PCDHAC2: variants seen among roughly 807,000 people sequenced by gnomAD.
PCDHAC2 encodes protocadherin alpha subfamily C, 2, also known as protocadherin alpha-C2.
Under a neutral mutation model 63.3 loss-of-function variants are expected in PCDHAC2, and 24 were observed. That is an observed-to-expected ratio of 0.38 (90% CI 0.27 to 0.53). The LOEUF (loss-of-function observed/expected upper bound fraction) is 0.53, where lower values mean the gene tolerates loss of function less well. PCDHAC2 is among the 20% of genes least tolerant of loss of function. The probability of loss-of-function intolerance (pLI) is 0.81; values close to 1 mark genes in which losing one functional copy is unlikely to be tolerated. For synonymous variants in PCDHAC2, 569 were observed against 529.4 expected (o/e 1.07, Z -1.03); for missense variants, 1,181 against 1,275.2 (o/e 0.93, Z 1.12).
chr5:140,966,945 A>C lies in PCDHAC2; in HGVS notation c.179A>C (p.Asn60Thr). 1 of 1,603,804 alleles carries C rather than the reference A, an allele frequency of 6.2e-7. No individual in the cohort carries two copies. Among genetic ancestry groups the C allele is most frequent in the Non-Finnish European group, 8.5e-7 (1 of 1,178,538 alleles). The change falls in exon 1 of 4, where the codon AAC becomes ACC. Residue 60 changes from asparagine to threonine, a missense_variant. Asn to Thr is a moderately conservative substitution (Grantham distance 65). Coordinates refer to ENST00000289269, the MANE Select transcript of PCDHAC2 (RefSeq NM_018899.6). Reference sequence around the variant, plus strand: ...CAGGCACCCGGCGCGCTCGTGGGCAACGTGGCTCGCGCGCTGGGGCTTGAG... The same window carrying C: ...CAGGCACCCGGCGCGCTCGTGGGCACCGTGGCTCGCGCGCTGGGGCTTGAG... ...EEQAPGALVG[N>T]VARALGLELR...
chr5:140,977,325 G>A (rs1277032974), intron 1 of PCDHAC2, among the ~76,000 whole-genome samples: 1 of 152,210 alleles, frequency 6.6e-6, no homozygotes, highest in African/African-American at 2.4e-5. Context: ...TCCTGATGGC[G>A]AGGGGAGAGA....
Position 141,010,015 on chromosome 5 carries a change from C to T in PCDHAC2, c.*78C>T, listed in dbSNP as rs1588250671. On this transcript the variant is annotated 3_prime_UTR_variant, in exon 4 of 4. Transcript: ENST00000289269. ...CTCTCCCATGTAGCAATTCCCTGCTCCTTTTTCCTATCTACATGAGCCCTC... is the reference window on the plus strand; with the variant it reads ...CTCTCCCATGTAGCAATTCCCTGCTTCTTTTTCCTATCTACATGAGCCCTC... 7 of 1,572,182 alleles carry T rather than the reference C, an allele frequency of 4.5e-6. No individual in the cohort carries two copies. In the East Asian group the frequency reaches 1.3e-4, roughly 30 times the overall value.
At chr5:140,977,589 G>A (rs567353301) in intron 1 of PCDHAC2, among the ~76,000 whole-genome samples, 15 of 152,274 alleles carry the variant, frequency 9.9e-5, no homozygotes, top group Admixed American at 2.6e-4. Flanking sequence ...AGAGCAGTTA[G>A]CATGTGAGGA....
intron 1 of PCDHAC2, among the ~76,000 whole-genome samples, chr5:140,976,227 T>C (rs2096706900): frequency 6.6e-6 from 1 of 152,050 alleles, no homozygotes; most frequent in East Asian, 1.9e-4. Context: ...AGAAGAAAAA[T>C]ATATGTCATT....
chr5:140,976,507 C>T (rs868949957), intron 1 of PCDHAC2, among the ~76,000 whole-genome samples: 2 of 151,968 alleles, frequency 1.3e-5, no homozygotes, highest in African/African-American at 4.8e-5. Context: ...GCCAAGATCG[C>T]GCCACTGCAC....
At chr5:141,001,280 G>T (rs1308036863) in intron 3 of PCDHAC2, among the ~76,000 whole-genome samples, 2 of 152,162 alleles carry the variant, frequency 1.3e-5, no homozygotes, top group South Asian at 2.1e-4. Context: ...TTTTTTTACG[G>T]ATGAAAACTG....
rs782484391 is a variant in PCDHAC2, at chr5:140,968,744, G to A, written c.1978G>A (p.Val660Met). ...GAGTGGTAGCACTTTCAACCTGACC[G>A]TGGTGGTCCGAGATAATGGAGAGCC... ...DESGSTFNLT[V>M]VVRDNGEPSL... The change falls in exon 1 of 4, where the codon GTG (valine) becomes ATG (methionine). Residue 660 changes from valine to methionine, a missense_variant. Coordinates refer to ENST00000289269, the MANE Select transcript of PCDHAC2 (RefSeq NM_018899.6). 1.2e-5 allele frequency: 20 copies of A among 1,614,164 alleles called. No individual in the cohort carries two copies. The highest frequency in any genetic ancestry group is 2.2e-5 in the East Asian group (1 of 44,880).
At chr5:141,004,823 TTAGA>T (rs1175791432) in intron 3 of PCDHAC2, among the ~76,000 whole-genome samples, 26 of 152,314 alleles carry the variant, frequency 1.7e-4, no homozygotes, top group African/African-American at 5.8e-4. Context: ...TTTGATTAAC[TTAGA>T]TAGATCAAAG....
intron 3 of PCDHAC2, among the ~76,000 whole-genome samples, chr5:140,983,739 G>T (rs983923811): frequency 5.3e-5 from 8 of 152,194 alleles, no homozygotes; most frequent in African/African-American, 1.9e-4. Context: ...TGGCTGGCTT[G>T]CAATAATCCA....
intron 3 of PCDHAC2, among the ~76,000 whole-genome samples, chr5:141,004,751 T>C (rs1323540564): frequency 2.0e-5 from 3 of 152,182 alleles, no homozygotes; most frequent in African/African-American, 7.2e-5. Flanking sequence ...TCTCAGTCTC[T>C]TAGAGACAGG....
At position 140,990,592 on chromosome 5, in the gene PCDHAC2, C is replaced by T. The variant is rs150978794; in HGVS notation, c.2713+8029C>T. On this transcript the variant is annotated intron_variant, in intron 3 of 3. Coordinates refer to ENST00000289269, the MANE Select transcript of PCDHAC2 (RefSeq NM_018899.6). ...GTTCGATCTCTTTTCCTATAATCAC[C>T]TGGAGTCAGATGAATACCGTAAAGG... 2.7e-3 allele frequency among the ~76,000 whole-genome samples: 412 copies of T among 152,286 alleles called. 2 individuals are homozygous for T. Among genetic ancestry groups the T allele is most frequent in the African/African-American group, 9.5e-3 (395 of 41,556 alleles).
chr5:140,991,875 G>A (rs2097477734), intron 3 of PCDHAC2, among the ~76,000 whole-genome samples: 1 of 152,092 alleles, frequency 6.6e-6, no homozygotes, highest in South Asian at 2.1e-4. Context: ...AGTTTCCTAG[G>A]GCTGCCATAA....
chr5:140,968,201 C>T lies in PCDHAC2; in HGVS notation c.1435C>T (p.Gln479Ter). Residue 479 changes from glutamine (Q) to a stop codon, truncating the protein, a stop_gained, in exon 1 of 4, where the codon CAG (glutamine) becomes TAG (stop). Coordinates refer to ENST00000289269, the MANE Select transcript of PCDHAC2 (RefSeq NM_018899.6). LOFTEE classifies it high-confidence loss of function. The part of the protein sequence containing the change: ...FLEDSYSIYI[Q>*]ENNLPGVLLC... ...GGAGGACTCCTATTCCATCTACATA[C>T]AGGAGAACAATTTGCCAGGTGTGTT... The T allele has an allele frequency of 6.2e-7, 1 of 1,614,032 alleles. No homozygotes were observed. The highest frequency in any genetic ancestry group is 8.5e-7 in the Non-Finnish European group (1 of 1,180,036).
At chr5:141,000,398 T>TAA in intron 3 of PCDHAC2, among the ~76,000 whole-genome samples, 1 of 55,032 alleles carries the variant, frequency 1.8e-5, no homozygotes, top group African/African-American at 7.5e-5. Flanking sequence ...TCTCTCTCTA[T>TAA]ATATATATAT....
chr5:140,990,195 A>C (rs1030331876), intron 3 of PCDHAC2, among the ~76,000 whole-genome samples: 1 of 152,012 alleles, frequency 6.6e-6, no homozygotes, highest in Non-Finnish European at 1.5e-5. Flanking sequence ...CCAAATGTGG[A>C]CCCGAAAGAG....
At position 140,982,483 on chromosome 5, in the gene PCDHAC2, A is replaced by C. The variant is rs1554244276; in HGVS notation, c.2633A>C (p.His878Pro). 1.2e-5 allele frequency: 20 copies of C among 1,614,142 alleles called. No homozygotes were observed. In the South Asian group the frequency reaches 1.9e-4, roughly 15 times the overall value. The stretch of plus-strand genomic sequence containing the variant: ...TCTGTGTGTTTATTCAGCTCTGTGC[A>C]CCTAGAGGAGGCTGGCATTCTACGG... ...SLRAGMHSSV[H>P]LEEAGILRAG... The change falls in exon 3 of 4, where the codon CAC becomes CCC. Residue 878 changes from histidine to proline, a missense_variant. By Grantham distance (77) the His-to-Pro change is moderately conservative. Coordinates refer to ENST00000289269, the MANE Select transcript of PCDHAC2 (RefSeq NM_018899.6).
intron 1 of PCDHAC2, among the ~76,000 whole-genome samples, chr5:140,973,418 T>G (rs1235123458): frequency 6.6e-6 from 1 of 152,212 alleles, no homozygotes; most frequent in East Asian, 1.9e-4. Flanking sequence ...CCACTCCAGT[T>G]TTTCATCCTC....
chr5:141,011,288 T>C lies in PCDHAC2; in HGVS notation c.*1351T>C, dbSNP rs1379355395. 1 of 153,798 alleles carries C rather than the reference T, an allele frequency of 6.5e-6. No individual in the cohort carries two copies. Among genetic ancestry groups the C allele is most frequent in the Non-Finnish European group, 1.5e-5 (1 of 68,050 alleles). The allele number at this position is 153,798 out of a possible 1,614,324, so 9.5% of individuals were successfully genotyped here. A position where few individuals can be genotyped will look rare whatever the true frequency, so the allele number is the denominator to read the frequency against. On this transcript the variant is annotated 3_prime_UTR_variant, in exon 4 of 4. Transcript: ENST00000289269. ...CTTCTCTTTGGTTTAGTTTTCCTTT[T>C]CTATAACACTCTGAATTGCTAATCT... is the stretch of plus-strand genomic sequence containing the variant.
chr5:140,998,942 T>C (rs1435302179), intron 3 of PCDHAC2, among the ~76,000 whole-genome samples: 4 of 152,222 alleles, frequency 2.6e-5, no homozygotes, highest in Non-Finnish European at 5.9e-5. Flanking sequence ...ATGAAGAAAC[T>C]GTAAGTCAAT....
Sources: gnomAD v4.1 joint callset for allele counts (sites outside exome capture counted in the v4.1 genomes callset) on GRCh38, gnomAD v4.1.1 for gene constraint, MANE v1.5 for transcripts, NCBI Gene and HGNC (gene_info 2026-07-23, HGNC 2026-07-21) for gene names.